Variants in CEP192 observed in about 807,000 individuals in gnomAD.
The protein encoded by CEP192 is centrosomal protein of 192 kDa.
CEP192 carries 151 observed loss-of-function variants against 271.8 expected under a neutral mutation model. The ratio of observed to expected loss-of-function variants is 0.56; its 90% CI spans 0.49 to 0.64. The LOEUF is 0.64. Among genes scored for constraint, CEP192 ranks in the 30% least tolerant of loss-of-function variants. CEP192 has a pLI of 0.00. For synonymous variants in CEP192, 995 were observed against 1,076.5 expected, an observed-to-expected ratio of 0.92 and a Z score of 1.48; for missense variants, 2,910 against 3,020.5, an observed-to-expected ratio of 0.96 and a Z score of 0.86.
intron 21 of CEP192, among the ~76,000 whole-genome samples, chr18:13,063,932 T>G (rs1199284062): frequency 6.6e-6 from 1 of 151,636 alleles, no homozygotes; most frequent in African/African-American, 2.4e-5. Flanking sequence ...GCTGTTCTCC[T>G]GCCTCAGCCT....
At chr18:13,065,447 T>G (rs1307712204) in intron 21 of CEP192, among the ~76,000 whole-genome samples, 1 of 152,240 alleles carries the variant, frequency 6.6e-6, no homozygotes, top group Non-Finnish European at 1.5e-5. Context: ...CCATGAGTGC[T>G]TAAAATACAT....
intron 9 of CEP192, among the ~76,000 whole-genome samples, chr18:13,025,969 T>G (rs1296610995): frequency 6.6e-6 from 1 of 152,350 alleles, no homozygotes; most frequent in South Asian, 2.1e-4. Flanking sequence ...CTTCCTTTCT[T>G]TGTAGATTTA....
chr18:12,995,079 T>G (rs1380536779), intron 1 of CEP192, among the ~76,000 whole-genome samples: 4 of 75,808 alleles, frequency 5.3e-5, no homozygotes, highest in African/African-American at 2.7e-4. Context: ...TTTTTTTTTT[T>G]GAGACGGAGT....
rs1231654249 is a variant in CEP192 at position 13,072,806 on chromosome 18, A to G, written c.5400A>G (p.Leu1800=). The part of the protein sequence containing the change: ...RNNSASTTQH[L]RLLIRGQDQD... ...ATTCTGCATCTACAACTCAACATTT[A>G]CGACTGCTTATTAGAGGACAAGATC... Residue 1800 remains leucine, a synonymous_variant, in exon 29 of 45, where the codon TTA becomes TTG. Coordinates refer to ENST00000506447, the MANE Select transcript of CEP192 (RefSeq NM_032142.4). The G allele has an allele frequency of 6.2e-7, 1 of 1,613,144 alleles. No individual in the cohort carries two copies. The highest frequency in any genetic ancestry group is 1.3e-5 in the African/African-American group (1 of 75,058).
intron 9 of CEP192, among the ~76,000 whole-genome samples, chr18:13,028,051 G>A (rs1599113600): frequency 6.6e-6 from 1 of 152,146 alleles, no homozygotes; most frequent in East Asian, 1.9e-4. Context: ...GGTGTTAGCA[G>A]GGTGATTCTC....
chr18:13,087,210 T>A lies in CEP192; in HGVS notation c.5810T>A (p.Val1937Asp), dbSNP rs764757765. Residue 1937 changes from valine (V) to aspartate (D), a missense_variant, in exon 31 of 45, where the codon GTT becomes GAT. Coordinates refer to ENST00000506447, the MANE Select transcript of CEP192 (RefSeq NM_032142.4). ...AVGFKDSQKK[V>D]LLDPKVLRIF... ...GGTTTTAAGGATTCTCAGAAAAAAG[T>A]TTTGCTGGATCCTAAAGTATTGAGG... The A allele has an allele frequency of 3.1e-6, 5 of 1,613,788 alleles. No individual in the cohort carries two copies. The highest frequency in any genetic ancestry group is 8.5e-7 in the Non-Finnish European group (1 of 1,179,710).
chr18:13,123,405 T>C (rs1409946214), intron 44 of CEP192, among the ~76,000 whole-genome samples: 1 of 152,216 alleles, frequency 6.6e-6, no homozygotes, highest in Non-Finnish European at 1.5e-5. Flanking sequence ...ATTTGTGTTA[T>C]CAGTTATATC....
intron 36 of CEP192, among the ~76,000 whole-genome samples, chr18:13,098,272 G>A (rs901115092): frequency 6.6e-6 from 1 of 151,572 alleles, no homozygotes; most frequent in Non-Finnish European, 1.5e-5. Flanking sequence ...CCAGGCGGGG[G>A]CTGACCCCCC....
chr18:13,005,461 G>A (rs985637818), intron 3 of CEP192, among the ~76,000 whole-genome samples: 1 of 152,178 alleles, frequency 6.6e-6, no homozygotes. Flanking sequence ...CTCACCTGTT[G>A]CTGTGAGGAA....
Position 13,105,043 on chromosome 18 carries a change from T to C in CEP192, c.7011T>C (p.Pro2337=). The part of the protein sequence containing the change: ...RATYAAFRCS[P]ISGLLESHGI... Reference sequence around the variant, plus strand: ...CCTATGCAGCATTCAGATGTTCTCCTATTTCTGGTCTGCTGGAAAGCCATG... The same window carrying C: ...CCTATGCAGCATTCAGATGTTCTCCCATTTCTGGTCTGCTGGAAAGCCATG... The change falls in exon 40 of 45, where the codon CCT becomes CCC. Residue 2337 remains proline, a synonymous_variant. Transcript: ENST00000506447. 5 of 1,614,080 alleles carry C rather than the reference T, an allele frequency of 3.1e-6. No individual in the cohort carries two copies. Among genetic ancestry groups the C allele is most frequent in the Non-Finnish European group, 4.2e-6 (5 of 1,179,884 alleles).
chr18:13,027,141 T>C (rs1055942612), intron 9 of CEP192, among the ~76,000 whole-genome samples: 1 of 152,292 alleles, frequency 6.6e-6, no homozygotes, highest in East Asian at 1.9e-4. Context: ...CCCCTTAGGA[T>C]GGACAGGGTG....
At position 13,086,977 on chromosome 18, in the gene CEP192, T is replaced by C. The variant is rs371597139; in HGVS notation, c.5617-40T>C. The stretch of plus-strand genomic sequence containing the variant: ...TGTAATTCAGTGTTTCGCTTTCTGC[T>C]TAACATTAAAATAATTTTGGATATG... On this transcript the variant is annotated intron_variant, in intron 30 of 44. Coordinates refer to ENST00000506447, the MANE Select transcript of CEP192 (RefSeq NM_032142.4). The C allele has an allele frequency of 2.1e-5, 31 of 1,445,614 alleles. No homozygotes were observed. In the African/African-American group the frequency reaches 3.3e-4, roughly 15 times the overall value. The allele number at this position is 1,445,614 out of a possible 1,614,324, so 89.5% of individuals were successfully genotyped here.
chr18:13,087,133 T>G lies in CEP192; in HGVS notation c.5733T>G (p.Ile1911Met), dbSNP rs1348717151. 7 of 1,614,010 alleles carry G rather than the reference T, an allele frequency of 4.3e-6. No homozygotes were observed. The highest frequency in any genetic ancestry group is 5.9e-6 in the Non-Finnish European group (7 of 1,179,996). ...TAGTACCTGGCAAAGAAAGTAAAAT[T>G]GTTTTTTCTGTCCGCAACACTGGCT... ...NGLVPGKESK[I>M]VFSVRNTGSR... Residue 1911 changes from isoleucine to methionine, a missense_variant, in exon 31 of 45, where the codon ATT becomes ATG. Transcript: ENST00000506447.
At chr18:13,109,125 T>C (rs1276337060) in intron 40 of CEP192, among the ~76,000 whole-genome samples, 1 of 152,082 alleles carries the variant, frequency 6.6e-6, no homozygotes, top group Non-Finnish European at 1.5e-5. Flanking sequence ...ATTCACAGTA[T>C]CAGAGACATG....
rs1568318112 is a variant in CEP192 at position 13,038,513 on chromosome 18, AG to A, written c.1745del (p.Gly582GlufsTer20). Reference sequence around the variant, plus strand: ...ATGCCAGTTATTTACGTCTGTCTTTAGGAGAGTTCTTTGCTCAAAGATCTGA... The same window carrying A: ...ATGCCAGTTATTTACGTCTGTCTTTAGAGAGTTCTTTGCTCAAAGATCTGA... ...DDASYLRLSL[G>X]EFFAQRSEAL... On this transcript the variant is annotated frameshift_variant, in exon 13 of 45. Transcript: ENST00000506447. LOFTEE classifies it high-confidence loss of function. 1 of 1,551,694 alleles carries A rather than the reference AG, an allele frequency of 6.4e-7. No homozygotes were observed. The highest frequency in any genetic ancestry group is 2.4e-5 in the East Asian group (1 of 40,920).
At chr18:13,055,406 A>G (rs2037037643) in intron 18 of CEP192, among the ~76,000 whole-genome samples, 1 of 152,182 alleles carries the variant, frequency 6.6e-6, no homozygotes, top group Non-Finnish European at 1.5e-5. Context: ...TACCGTTTCA[A>G]GCTTGCTCAG....
chr18:13,005,745 C>T (rs2033942339), intron 3 of CEP192, among the ~76,000 whole-genome samples: 1 of 152,210 alleles, frequency 6.6e-6, no homozygotes, highest in Non-Finnish European at 1.5e-5. Context: ...GGCATGGCCT[C>T]AGTCTCCTGG....
At chr18:13,008,897 A>G (rs944764767) in intron 4 of CEP192, among the ~76,000 whole-genome samples, 7 of 151,806 alleles carry the variant, frequency 4.6e-5, no homozygotes, top group African/African-American at 1.5e-4. Flanking sequence ...TAATAGAGAC[A>G]GGGTTTCGCC....
rs185768149 is a variant in CEP192, at chr18:13,048,534, C to T, written c.2068-325C>T. On this transcript the variant is annotated intron_variant, in intron 15 of 44. Coordinates refer to ENST00000506447, the MANE Select transcript of CEP192 (RefSeq NM_032142.4). ...GAAAGAAAAAATAATGCTGAAGTTT[C>T]TGAGGTCTGTGGTAAGAATGATCTT... 7.9e-5 allele frequency among the ~76,000 whole-genome samples: 12 copies of T among 152,270 alleles called. No homozygotes were observed. The East Asian group carries it at 1.7e-3, about 22-fold the overall frequency.
Sources: gnomAD v4.1 joint callset for allele counts (sites outside exome capture counted in the v4.1 genomes callset) on GRCh38, gnomAD v4.1.1 for gene constraint, MANE v1.5 for transcripts, NCBI Gene and HGNC (gene_info 2026-07-23, HGNC 2026-07-21) for gene names.